Variants in PTPRD observed in about 807,000 individuals in gnomAD.
PTPRD encodes the protein receptor-type tyrosine-protein phosphatase delta.
PTPRD carries 34 observed loss-of-function variants against 214.5 expected under a neutral mutation model. That is an observed-to-expected ratio of 0.16 (90% confidence interval 0.12 to 0.21). PTPRD has a LOEUF of 0.21. Ranked by LOEUF, PTPRD falls within the 10% of genes least tolerant of loss-of-function variation. PTPRD has a pLI of 1.00. For synonymous variants in PTPRD, 1,128 were observed against 845.7 expected (o/e 1.33, Z -5.79); for missense variants, 2,545 against 2,398.7 (o/e 1.06, Z -1.27).
At chr9:10,268,017 A>T (rs1022150115) in intron 3 of PTPRD, among the ~76,000 whole-genome samples, 3 of 152,054 alleles carry the variant, frequency 2.0e-5, no homozygotes, top group Admixed American at 2.0e-4. Context: ...GTGGTAGCTC[A>T]TCCCTATAAT....
chr9:9,013,860 C>A (rs910873047), intron 11 of PTPRD, among the ~76,000 whole-genome samples: 12 of 152,122 alleles, frequency 7.9e-5, no homozygotes, highest in Non-Finnish European at 1.6e-4. Context: ...CACAAAAGGG[C>A]CTCTACTGGC....
At chr9:8,442,924 T>G (rs2095595134) in intron 34 of PTPRD, among the ~76,000 whole-genome samples, 1 of 151,832 alleles carries the variant, frequency 6.6e-6, no homozygotes. Context: ...AATTTTTACT[T>G]CATTCCAGGA....
At chr9:10,208,764 G>A (rs1356884630) in intron 3 of PTPRD, among the ~76,000 whole-genome samples, 2 of 152,070 alleles carry the variant, frequency 1.3e-5, no homozygotes, top group East Asian at 1.9e-4. Flanking sequence ...AGAAAAACAG[G>A]AATATAAAAT....
intron 3 of PTPRD, among the ~76,000 whole-genome samples, chr9:10,203,901 T>G (rs1305592854): frequency 6.6e-6 from 1 of 152,162 alleles, no homozygotes; most frequent in East Asian, 1.9e-4. Context: ...GAAAACAAAT[T>G]TGCAAGGGCA....
chr9:8,373,319 G>A (rs1412851080), intron 39 of PTPRD, among the ~76,000 whole-genome samples: 1 of 151,868 alleles, frequency 6.6e-6, no homozygotes, highest in East Asian at 1.9e-4. Context: ...AAATAAAGAG[G>A]CCAAAACTTC....
chr9:9,996,371 G>A (rs1002504206), intron 4 of PTPRD, among the ~76,000 whole-genome samples: 1 of 152,138 alleles, frequency 6.6e-6, no homozygotes, highest in Non-Finnish European at 1.5e-5. Context: ...AAATAAATAA[G>A]ATAAGCTCTC....
rs1336681612 is a variant in PTPRD, at chr9:10,578,708, C to G, written c.-600+33690G>C. Reference sequence around the variant, plus strand: ...TAACACACTACAGCATTGCCACTTTCGTTCATATTAGTTTTTTTTGAATAA... The same window carrying G: ...TAACACACTACAGCATTGCCACTTTGGTTCATATTAGTTTTTTTTGAATAA... On this transcript the variant is annotated intron_variant, in intron 2 of 45. Coordinates refer to ENST00000381196, the MANE Select transcript of PTPRD (RefSeq NM_002839.4). 3.3e-5 allele frequency among the ~76,000 whole-genome samples: 5 copies of G among 152,066 alleles called. No individual in the cohort carries two copies. In the East Asian group the frequency reaches 9.6e-4, roughly 29 times the overall value.
At chr9:10,418,504 A>C (rs2098516015) in intron 2 of PTPRD, among the ~76,000 whole-genome samples, 1 of 143,508 alleles carries the variant, frequency 7.0e-6, no homozygotes, top group African/African-American at 2.7e-5. Flanking sequence ...CACACTTCAT[A>C]TCCTTCCTTC....
At chr9:9,030,995 T>TA (rs889269674) in intron 10 of PTPRD, among the ~76,000 whole-genome samples, 3 of 151,918 alleles carry the variant, frequency 2.0e-5, no homozygotes, top group Non-Finnish European at 4.4e-5. Flanking sequence ...CTGAGTCTGA[T>TA]ATAATGGTGG....
intron 2 of PTPRD, among the ~76,000 whole-genome samples, chr9:10,575,983 G>T (rs1273369577): frequency 1.3e-5 from 2 of 152,070 alleles, no homozygotes; most frequent in African/African-American, 4.8e-5. Context: ...ATCAGATTAG[G>T]ATGGTTATTT....
intron 8 of PTPRD, among the ~76,000 whole-genome samples, chr9:9,429,417 C>T (rs1388309991): frequency 5.3e-5 from 8 of 152,102 alleles, no homozygotes; most frequent in African/African-American, 1.9e-4. Context: ...GAAGAGCCTA[C>T]TGACCAAAAA....
chr9:8,703,010 T>G (rs990828734), intron 12 of PTPRD, among the ~76,000 whole-genome samples: 6 of 152,226 alleles, frequency 3.9e-5, no homozygotes, highest in Admixed American at 3.3e-4. Context: ...AAGTTTGTAT[T>G]ATTCATAAAG....
intron 11 of PTPRD, among the ~76,000 whole-genome samples, chr9:8,963,626 C>CT (rs374715812): frequency 0.025 from 3,733 of 147,856 alleles, 130 homozygotes; most frequent in African/African-American, 0.078. Context: ...TCACAATTAA[C>CT]TTTTTTTTTT....
intron 35 of PTPRD, among the ~76,000 whole-genome samples, chr9:8,411,573 A>G (rs927795436): frequency 5.9e-5 from 9 of 152,176 alleles, no homozygotes; most frequent in Non-Finnish European, 1.3e-4. Context: ...CAAAGTGTTG[A>G]GGTTACAGGC....
At chr9:9,943,434 C>A (rs1031020608) in intron 4 of PTPRD, among the ~76,000 whole-genome samples, 4 of 151,962 alleles carry the variant, frequency 2.6e-5, no homozygotes, top group African/African-American at 9.7e-5. Flanking sequence ...TCATTCATTC[C>A]CAAAATATTT....
chr9:9,151,734 G>T (rs548451334), intron 10 of PTPRD, among the ~76,000 whole-genome samples: 2 of 152,118 alleles, frequency 1.3e-5, no homozygotes, highest in African/African-American at 2.4e-5. Context: ...CAGCAAGATG[G>T]CACTTTGATA....
chr9:10,398,881 A>G (rs2098222518), intron 2 of PTPRD, among the ~76,000 whole-genome samples: 1 of 151,990 alleles, frequency 6.6e-6, no homozygotes, highest in African/African-American at 2.4e-5. Context: ...TAAATAACTT[A>G]TCTAAGATCA....
At chr9:8,548,100 A>G (rs964097125) in intron 14 of PTPRD, among the ~76,000 whole-genome samples, 4 of 152,224 alleles carry the variant, frequency 2.6e-5, no homozygotes, top group Non-Finnish European at 5.9e-5. Flanking sequence ...ATCTAAGAGC[A>G]TGAATATAAT....
At chr9:9,326,974 G>T (rs1219853740) in intron 9 of PTPRD, among the ~76,000 whole-genome samples, 3 of 152,132 alleles carry the variant, frequency 2.0e-5, no homozygotes, top group Non-Finnish European at 4.4e-5. Context: ...GTTGGGAGCA[G>T]TGTATGGCTT....
Sources: gnomAD v4.1 joint callset for allele counts (sites outside exome capture counted in the v4.1 genomes callset) on GRCh38, gnomAD v4.1.1 for gene constraint, MANE v1.5 for transcripts, NCBI Gene and HGNC (gene_info 2026-07-23, HGNC 2026-07-21) for gene names.